PDE1A: variants seen among roughly 807,000 people sequenced by gnomAD.
The protein encoded by PDE1A is dual specificity calcium/calmodulin-dependent 3',5'-cyclic nucleotide phosphodiesterase 1A.
A neutral mutation model predicts 61.7 loss-of-function variants in PDE1A; 35 were observed. The observed-to-expected ratio is 0.57, with a 90% CI of 0.43 to 0.75. The LOEUF (loss-of-function observed/expected upper bound fraction) is 0.75. Ranked by LOEUF, PDE1A falls within the 30% of genes least tolerant of loss-of-function variation. PDE1A has a pLI of 0.00. For missense variants in PDE1A, 597 were observed against 630.6 expected (o/e 0.95, Z 0.57); for synonymous variants, 232 against 213.2 (o/e 1.09, Z -0.77).
chr2:182,368,657 T>A (rs1262703349), intron 1 of PDE1A, among the ~76,000 whole-genome samples: 2 of 152,122 alleles, frequency 1.3e-5, no homozygotes, highest in Admixed American at 6.6e-5. Context: ...CTTTATGCAA[T>A]CTCATGAAAA....
chr2:182,348,465 G>A (rs1049551011), intron 1 of PDE1A, among the ~76,000 whole-genome samples: 8 of 152,040 alleles, frequency 5.3e-5, no homozygotes, highest in Non-Finnish European at 8.8e-5. Context: ...TCACCTAACA[G>A]GAAGGCCATA....
chr2:182,387,975 G>A (rs1235458482), intron 1 of PDE1A, among the ~76,000 whole-genome samples: 1 of 152,086 alleles, frequency 6.6e-6, no homozygotes, highest in Non-Finnish European at 1.5e-5. Flanking sequence ...GACTCAAAGT[G>A]AAGGGATAGA....
chr2:182,315,222 T>C (rs1696258788), intron 1 of PDE1A, among the ~76,000 whole-genome samples: 1 of 152,196 alleles, frequency 6.6e-6, no homozygotes, highest in Non-Finnish European at 1.5e-5. Flanking sequence ...TATATGCATG[T>C]GGTCTCTCCA....
At chr2:182,540,383 A>G in the PDE1A span, among the ~76,000 whole-genome samples, 1 of 72,754 alleles carries the variant, frequency 1.4e-5, no homozygotes, top group Non-Finnish European at 3.4e-5. Flanking sequence ...AAAAAAAAAA[A>G]AAGCAGCAGC....
the PDE1A span, among the ~76,000 whole-genome samples, chr2:182,679,094 T>A: frequency 6.9e-6 from 1 of 145,746 alleles, no homozygotes. Flanking sequence ...AACCTCCACC[T>A]CCTGGGTTCA....
At chr2:182,624,172 T>C in the PDE1A span, among the ~76,000 whole-genome samples, 1 of 151,000 alleles carries the variant, frequency 6.6e-6, no homozygotes, top group African/African-American at 2.4e-5. Context: ...TTTATTCCCA[T>C]TTTACACTGA....
At chr2:182,444,749 A>G (rs1360432327) in intron 2 of PDE1A, among the ~76,000 whole-genome samples, 2 of 152,210 alleles carry the variant, frequency 1.3e-5, no homozygotes, top group African/African-American at 4.8e-5. Context: ...ATCTACTAAA[A>G]AAGAAATCGT....
At chr2:182,456,747 T>A (rs1229414112) in intron 2 of PDE1A, among the ~76,000 whole-genome samples, 2 of 152,100 alleles carry the variant, frequency 1.3e-5, no homozygotes, top group Non-Finnish European at 2.9e-5. Context: ...TATCAATATG[T>A]ACAATAGTAG....
At chr2:182,546,039 C>T in the PDE1A span, among the ~76,000 whole-genome samples, 2 of 152,258 alleles carry the variant, frequency 1.3e-5, no homozygotes, top group East Asian at 3.9e-4. Context: ...TCCCTTCATC[C>T]CCTCTGTGGC....
chr2:182,666,573 A>G, the PDE1A span, among the ~76,000 whole-genome samples: 1 of 151,212 alleles, frequency 6.6e-6, no homozygotes, highest in South Asian at 2.1e-4. Context: ...ATGCCATTGC[A>G]CTCCAGCCTA....
At chr2:182,627,463 A>G in the PDE1A span, among the ~76,000 whole-genome samples, 1 of 141,852 alleles carries the variant, frequency 7.0e-6, no homozygotes, top group Non-Finnish European at 1.5e-5. Context: ...CAAGTAAATC[A>G]TTGAGTCACT....
chr2:182,569,465 T>C, the PDE1A span, among the ~76,000 whole-genome samples: 1 of 152,042 alleles, frequency 6.6e-6, no homozygotes, highest in Non-Finnish European at 1.5e-5. Flanking sequence ...GTCCTCTTTA[T>C]CCTCAGGGTC....
chr2:182,268,545 T>A (rs926560045), intron 1 of PDE1A, among the ~76,000 whole-genome samples: 3 of 152,058 alleles, frequency 2.0e-5, no homozygotes, highest in Non-Finnish European at 4.4e-5. Context: ...GAGGGGTGTA[T>A]GACATGCAAA....
At chr2:182,455,443 C>T (rs79384274) in intron 2 of PDE1A, among the ~76,000 whole-genome samples, 2 of 151,848 alleles carry the variant, frequency 1.3e-5, no homozygotes, top group East Asian at 3.9e-4. Context: ...TGCTGCTATA[C>T]AGACACATGC....
chr2:182,542,209 TTTAAG>T, the PDE1A span, among the ~76,000 whole-genome samples: 1 of 152,188 alleles, frequency 6.6e-6, no homozygotes, highest in African/African-American at 2.4e-5. Context: ...AAATATATAC[TTTAAG>T]TTAAAAATCT....
intron 1 of PDE1A, among the ~76,000 whole-genome samples, chr2:182,391,841 G>A (rs999550834): frequency 2.0e-5 from 3 of 152,186 alleles, no homozygotes; most frequent in Non-Finnish European, 4.4e-5. Context: ...GAAATTGATC[G>A]GAGGCCTGCT....
At chr2:182,543,026 T>G in the PDE1A span, among the ~76,000 whole-genome samples, 1 of 152,158 alleles carries the variant, frequency 6.6e-6, no homozygotes, top group Non-Finnish European at 1.5e-5. Context: ...TTTTTGTGAG[T>G]GTACTCTGAG....
chr2:182,508,786 T>G (rs1574827335), intron 2 of PDE1A, among the ~76,000 whole-genome samples: 1 of 146,194 alleles, frequency 6.8e-6, no homozygotes, highest in East Asian at 1.9e-4. Flanking sequence ...TTATTTTTAT[T>G]TTATTTTATT....
chr2:182,318,611 A>G (rs1696500059), intron 1 of PDE1A, among the ~76,000 whole-genome samples: 1 of 152,136 alleles, frequency 6.6e-6, no homozygotes, highest in Non-Finnish European at 1.5e-5. Context: ...CTTCATCTTG[A>G]GGCCCATATG....
Sources: gnomAD v4.1 joint callset for allele counts (sites outside exome capture counted in the v4.1 genomes callset) on GRCh38, gnomAD v4.1.1 for gene constraint, MANE v1.5 for transcripts, NCBI Gene and HGNC (gene_info 2026-07-23, HGNC 2026-07-21) for gene names.